The following RAB10 variants were observed in gnomAD, a reference collection of about 807,000 sequenced individuals.
RAB10 encodes the protein ras-related protein Rab-10.
In RAB10, 5 loss-of-function variants were observed where a neutral mutation model predicts 25.7. The ratio of observed to expected loss-of-function variants is 0.19; its 90% CI spans 0.10 to 0.41. The LOEUF is 0.41. RAB10 is among the 10% of genes least tolerant of loss of function. The probability of loss-of-function intolerance (pLI) is 1.00; values close to 1 mark genes in which losing one functional copy is unlikely to be tolerated. For synonymous variants in RAB10, 89 were observed against 86.4 expected (o/e 1.03, Z -0.16); for missense variants, 103 against 245.8 (o/e 0.42, Z 3.89).
At chr2:26,064,485 C>G (rs1666472778) in intron 1 of RAB10, among the ~76,000 whole-genome samples, 1 of 151,682 alleles carries the variant, frequency 6.6e-6, no homozygotes, top group South Asian at 2.1e-4. Context: ...CCACGCCTGG[C>G]TAATTTTTTG....
chr2:26,125,085 T>C (rs952715550), intron 3 of RAB10, among the ~76,000 whole-genome samples: 4 of 152,204 alleles, frequency 2.6e-5, no homozygotes, highest in Non-Finnish European at 4.4e-5. Context: ...TACAAATATC[T>C]GAGTCCCTGC....
At chr2:26,055,710 A>G (rs1429604898) in intron 1 of RAB10, among the ~76,000 whole-genome samples, 1 of 151,426 alleles carries the variant, frequency 6.6e-6, no homozygotes, top group East Asian at 2.0e-4. Flanking sequence ...TTTGTAGTAG[A>G]GATGGGGTTT....
intron 1 of RAB10, among the ~76,000 whole-genome samples, chr2:26,066,460 A>G (rs986938518): frequency 1.3e-5 from 2 of 152,208 alleles, no homozygotes; most frequent in Non-Finnish European, 1.5e-5. Context: ...TCATGCTGCT[A>G]TGAAGAAATA....
At chr2:26,129,961 A>G (rs571877019) in intron 5 of RAB10, among the ~76,000 whole-genome samples, 5 of 152,220 alleles carry the variant, frequency 3.3e-5, no homozygotes, top group African/African-American at 1.2e-4. Flanking sequence ...CCAAACATAC[A>G]TATGTACACG....
intron 1 of RAB10, among the ~76,000 whole-genome samples, chr2:26,045,182 C>G (rs1054955064): frequency 6.6e-6 from 1 of 151,006 alleles, no homozygotes; most frequent in Non-Finnish European, 1.5e-5. Context: ...CTGGTATTCT[C>G]GTTTTGTTTG....
At chr2:26,109,386 T>C (rs1370243453) in intron 2 of RAB10, among the ~76,000 whole-genome samples, 3 of 152,176 alleles carry the variant, frequency 2.0e-5, no homozygotes, top group Non-Finnish European at 4.4e-5. Flanking sequence ...CATTTCTGTC[T>C]TATTATTTAT....
At chr2:26,120,219 G>T (rs1039610922) in intron 3 of RAB10, among the ~76,000 whole-genome samples, 2 of 152,114 alleles carry the variant, frequency 1.3e-5, no homozygotes, top group Admixed American at 6.5e-5. Context: ...CAGTGTTTAG[G>T]ATGTGGGTAG....
intron 1 of RAB10, among the ~76,000 whole-genome samples, chr2:26,092,517 A>G (rs779929288): frequency 2.6e-5 from 4 of 152,176 alleles, no homozygotes; most frequent in African/African-American, 4.8e-5. Flanking sequence ...AATAGAACCT[A>G]GTAGTTGTGA....
intron 3 of RAB10, among the ~76,000 whole-genome samples, chr2:26,116,847 C>T (rs1284262795): frequency 3.3e-5 from 5 of 151,498 alleles, no homozygotes; most frequent in African/African-American, 1.2e-4. Flanking sequence ...TGAGCCACCA[C>T]GCCCGGCCTT....
chr2:26,068,548 A>G (rs1326970070), intron 1 of RAB10, among the ~76,000 whole-genome samples: 1 of 151,952 alleles, frequency 6.6e-6, no homozygotes, highest in African/African-American at 2.4e-5. Context: ...GTGAGCCTTT[A>G]ATTTTTTTTT....
chr2:26,085,174 G>A (rs944298369), intron 1 of RAB10, among the ~76,000 whole-genome samples: 1 of 152,072 alleles, frequency 6.6e-6, no homozygotes, highest in African/African-American at 2.4e-5. Context: ...ATGAACTCTT[G>A]TGCATCAAAG....
intron 1 of RAB10, among the ~76,000 whole-genome samples, chr2:26,050,025 G>T (rs901799411): frequency 9.2e-5 from 14 of 152,132 alleles, no homozygotes; most frequent in Non-Finnish European, 2.9e-5. Context: ...TATTAATTAT[G>T]CCTGGTTGCA....
chr2:26,128,350 C>T (rs922133512), intron 5 of RAB10, among the ~76,000 whole-genome samples: 2 of 152,120 alleles, frequency 1.3e-5, no homozygotes, highest in Non-Finnish European at 2.9e-5. Flanking sequence ...TGGGTGGCCC[C>T]GTTCTTAACA....
intron 2 of RAB10, among the ~76,000 whole-genome samples, chr2:26,100,529 T>C (rs181816076): frequency 3.3e-5 from 5 of 152,336 alleles, no homozygotes; most frequent in Admixed American, 6.5e-5. Context: ...TTTCCTTAAT[T>C]GTTAGTACCA....
At chr2:26,130,836 A>C (rs1302033603) in intron 5 of RAB10, among the ~76,000 whole-genome samples, 1 of 152,192 alleles carries the variant, frequency 6.6e-6, no homozygotes, top group Non-Finnish European at 1.5e-5. Flanking sequence ...TTCAGACATT[A>C]ATGGGTCAGG....
chr2:26,083,267 AACC>A, intron 1 of RAB10, among the ~76,000 whole-genome samples: 1 of 152,222 alleles, frequency 6.6e-6, no homozygotes, highest in Non-Finnish European at 1.5e-5. Flanking sequence ...AATCCTAAAT[AACC>A]TACCTTCTCC....
At chr2:26,124,379 G>T (rs372765827) in intron 3 of RAB10, among the ~76,000 whole-genome samples, 2 of 38,676 alleles carry the variant, frequency 5.2e-5, no homozygotes, top group Non-Finnish European at 1.1e-4. Flanking sequence ...TTTTCTTATT[G>T]TTGTTGTTGC....
intron 1 of RAB10, among the ~76,000 whole-genome samples, chr2:26,080,239 CAAAT>C (rs1030718104): frequency 2.0e-4 from 30 of 152,056 alleles, no homozygotes; most frequent in East Asian, 3.9e-4. Context: ...ATTGAATAAA[CAAAT>C]GAATGGGGTG....
chr2:26,112,734 G>T (rs1426205750), intron 3 of RAB10, among the ~76,000 whole-genome samples: 1 of 152,120 alleles, frequency 6.6e-6, no homozygotes, highest in African/African-American at 2.4e-5. Context: ...CTGTGCTTCA[G>T]CCTGGGTGAC....
Sources: gnomAD v4.1 joint callset for allele counts (sites outside exome capture counted in the v4.1 genomes callset) on GRCh38, gnomAD v4.1.1 for gene constraint, MANE v1.5 for transcripts, NCBI Gene and HGNC (gene_info 2026-07-23, HGNC 2026-07-21) for gene names.